Variants in MBD5 observed in about 807,000 individuals in gnomAD.
MBD5 encodes the protein methyl-CpG binding domain protein 5.
Under a neutral mutation model 117.3 loss-of-function variants are expected in MBD5, and 13 were observed. That is an observed-to-expected ratio of 0.11 (90% CI 0.07 to 0.18). The LOEUF is 0.18. Ranked by LOEUF, MBD5 falls within the 10% of genes least tolerant of loss-of-function variation. The pLI, the probability that MBD5 is intolerant of heterozygous loss-of-function variation, is 1.00. For missense variants in MBD5, 1,879 were observed against 2,093.8 expected (o/e 0.90, Z 2.00); for synonymous variants, 727 against 766.4 (o/e 0.95, Z 0.85).
At chr2:148,403,809 A>G (rs1207083945) in intron 4 of MBD5, among the ~76,000 whole-genome samples, 2 of 152,110 alleles carry the variant, frequency 1.3e-5, no homozygotes, top group Non-Finnish European at 2.9e-5. Flanking sequence ...TCATGTGTCT[A>G]CCTTCACAGG....
chr2:148,361,508 T>C (rs1055118611), intron 4 of MBD5, among the ~76,000 whole-genome samples: 2 of 152,220 alleles, frequency 1.3e-5, no homozygotes, highest in African/African-American at 4.8e-5. Flanking sequence ...GTAGGGTATA[T>C]GTTGAATGAC....
chr2:148,093,251 G>A (rs1008868806), intron 1 of MBD5, among the ~76,000 whole-genome samples: 1 of 152,144 alleles, frequency 6.6e-6, no homozygotes, highest in Non-Finnish European at 1.5e-5. Flanking sequence ...AACTATCTAT[G>A]CAAACAGGCA....
At position 148,250,998 on chromosome 2, in the gene MBD5, T is replaced by A. The variant is rs539201605; in HGVS notation, c.-680+17603T>A. On this transcript the variant is annotated intron_variant, in intron 3 of 13. Coordinates refer to ENST00000642680, the MANE Select transcript of MBD5 (RefSeq NM_001378120.1). ...TTATTTTTAAAATAGTGGGGTTTTT[T>A]AATGTGGTTTTTGTTTTTTGCTTTT... is the stretch of plus-strand genomic sequence containing the variant. Among the ~76,000 whole-genome samples, 352 of 152,278 alleles carry A rather than the reference T, an allele frequency of 2.3e-3. 1 individual carries two copies. The highest frequency in any genetic ancestry group is 7.8e-3 in the African/African-American group (326 of 41,576).
chr2:148,153,967 G>T (rs1319268047), intron 1 of MBD5, among the ~76,000 whole-genome samples: 2 of 126,028 alleles, frequency 1.6e-5, no homozygotes, highest in Non-Finnish European at 3.3e-5. Context: ...ATCCAGCTTT[G>T]TTCCGTTGCT....
At chr2:148,462,278 C>G (rs1367558152) in intron 5 of MBD5, among the ~76,000 whole-genome samples, 1 of 152,110 alleles carries the variant, frequency 6.6e-6, no homozygotes, top group East Asian at 1.9e-4. Flanking sequence ...CCTTTCTTGC[C>G]TGCTTCTGTC....
intron 4 of MBD5, among the ~76,000 whole-genome samples, chr2:148,381,101 G>A (rs1044234649): frequency 6.6e-6 from 1 of 152,142 alleles, no homozygotes; most frequent in African/African-American, 2.4e-5. Flanking sequence ...ACCAGCAACG[G>A]AACAAAGCTG....
intron 4 of MBD5, among the ~76,000 whole-genome samples, chr2:148,384,464 A>T (rs539760425): frequency 2.6e-5 from 4 of 152,240 alleles, no homozygotes; most frequent in Non-Finnish European, 4.4e-5. Context: ...ATAAAAGAGG[A>T]TACAAACACA....
intron 3 of MBD5, among the ~76,000 whole-genome samples, chr2:148,292,100 A>G (rs1305557666): frequency 6.6e-6 from 1 of 152,236 alleles, no homozygotes; most frequent in Admixed American, 6.5e-5. Context: ...AAGACCTCAA[A>G]CTATGAAATT....
chr2:148,066,206 TG>T (rs1373263502), intron 1 of MBD5, among the ~76,000 whole-genome samples: 1 of 152,054 alleles, frequency 6.6e-6, no homozygotes, highest in Non-Finnish European at 1.5e-5. Context: ...CTTGGAAGGC[TG>T]AGGTGGGAGG....
At chr2:148,436,940 T>C (rs1001261154) in intron 4 of MBD5, among the ~76,000 whole-genome samples, 4 of 152,036 alleles carry the variant, frequency 2.6e-5, no homozygotes, top group Admixed American at 6.6e-5. Context: ...TCCCTACTAA[T>C]TTTTATGTTG....
intron 2 of MBD5, among the ~76,000 whole-genome samples, chr2:148,201,061 G>A (rs1047986348): frequency 3.3e-5 from 5 of 152,192 alleles, no homozygotes; most frequent in African/African-American, 9.7e-5. Context: ...GGAGACCTCT[G>A]GCCAATGATG....
intron 3 of MBD5, among the ~76,000 whole-genome samples, chr2:148,312,443 G>A (rs1331314029): frequency 1.3e-5 from 2 of 151,878 alleles, no homozygotes; most frequent in African/African-American, 4.8e-5. Flanking sequence ...GATCGATTCG[G>A]CTATTGATAC....
intron 1 of MBD5, among the ~76,000 whole-genome samples, chr2:148,163,170 A>G (rs111386032): frequency 6.6e-6 from 1 of 152,172 alleles, no homozygotes; most frequent in African/African-American, 2.4e-5. Flanking sequence ...TATTTTTTCT[A>G]AATGTTTTGG....
chr2:148,184,672 T>C (rs116722639), intron 2 of MBD5, among the ~76,000 whole-genome samples: 5,257 of 152,256 alleles, frequency 0.035, 245 homozygotes, highest in African/African-American at 0.1. Context: ...TTATTTTTCT[T>C]TGAAAACAGT....
intron 3 of MBD5, among the ~76,000 whole-genome samples, chr2:148,292,604 C>A (rs1377481606): frequency 6.6e-6 from 1 of 152,162 alleles, no homozygotes; most frequent in African/African-American, 2.4e-5. Context: ...AGGGAACCCT[C>A]CTACAATGTT....
chr2:148,323,001 C>T, intron 3 of MBD5, among the ~76,000 whole-genome samples: 1 of 143,736 alleles, frequency 7.0e-6, no homozygotes, highest in Non-Finnish European at 1.5e-5. Context: ...CCCACTCCCC[C>T]AACCCCACAA....
chr2:148,250,072 T>TA (rs1164899614), intron 3 of MBD5, among the ~76,000 whole-genome samples: 1 of 152,192 alleles, frequency 6.6e-6, no homozygotes, highest in Non-Finnish European at 1.5e-5. Flanking sequence ...ATCTTCCTAA[T>TA]ACAATAAAGA....
At chr2:148,101,170 A>G (rs1696206552) in intron 1 of MBD5, among the ~76,000 whole-genome samples, 1 of 152,150 alleles carries the variant, frequency 6.6e-6, no homozygotes, top group East Asian at 1.9e-4. Context: ...AACTGGTAAT[A>G]AGAAAAATTA....
chr2:148,029,667 A>G (rs1693985439), intron 1 of MBD5, among the ~76,000 whole-genome samples: 1 of 152,202 alleles, frequency 6.6e-6, no homozygotes, highest in African/African-American at 2.4e-5. Flanking sequence ...TACCTGGGCC[A>G]GTCAGAAAAG....
Sources: allele counts gnomAD v4.1 joint callset (sites outside exome capture counted in the v4.1 genomes callset), GRCh38; gene constraint gnomAD v4.1.1; transcripts MANE v1.5; gene names NCBI Gene and HGNC (gene_info 2026-07-23, HGNC 2026-07-21).